The following TMEM70 variants were observed in gnomAD, a reference collection of about 807,000 sequenced individuals.
TMEM70 encodes the protein transmembrane protein 70.
TMEM70 carries 15 observed loss-of-function variants against 20.5 expected under a neutral mutation model. The observed-to-expected ratio is 0.73, with a 90% confidence interval of 0.49 to 1.13. The LOEUF (loss-of-function observed/expected upper bound fraction) is 1.13, where lower values mean the gene tolerates loss of function less well. TMEM70 is among the 50% of genes most tolerant of loss of function. TMEM70 has a pLI of 0.00. For synonymous variants in TMEM70, 141 were observed against 134.2 expected (o/e 1.05, Z -0.35); for missense variants, 344 against 331.7 (o/e 1.04, Z -0.29).
intron 2 of TMEM70, among the ~76,000 whole-genome samples, chr8:73,980,134 G>T (rs1316867385): frequency 6.6e-6 from 1 of 152,024 alleles, no homozygotes; most frequent in Non-Finnish European, 1.5e-5. Flanking sequence ...TGTTGCCCAG[G>T]CTGGAGTGCA....
intron 2 of TMEM70, among the ~76,000 whole-genome samples, chr8:73,979,923 T>C (rs956388613): frequency 6.6e-6 from 1 of 152,170 alleles, no homozygotes; most frequent in Non-Finnish European, 1.5e-5. Context: ...GGTCTTCCTA[T>C]GGTGCCTAGG....
At position 73,981,749 on chromosome 8, in the gene TMEM70, C is replaced by G. The variant is rs1467887784; in HGVS notation, c.*128C>G. 2.5e-6 allele frequency: 2 copies of G among 802,500 alleles called. No homozygotes were observed. The highest frequency in any genetic ancestry group is 4.0e-5 in the Admixed American group (2 of 49,688). The allele number at this position is 802,500 out of a possible 1,614,324, so 49.7% of individuals were successfully genotyped here. ...TGAAATTATCAAAGCTTTTAATTTC[C>G]AGAGAATGATGTTTGTTTATAATAA... On this transcript the variant is annotated 3_prime_UTR_variant, in exon 3 of 3. Transcript: ENST00000312184.
rs1323509856 is a variant in TMEM70 at position 73,982,003 on chromosome 8, A to G, written c.*382A>G. On this transcript the variant is annotated 3_prime_UTR_variant, in exon 3 of 3. Transcript: ENST00000312184. ...TTAAAAGACATTTTCTCTTTGAGGA[A>G]GACACAGTCATAGGTGGTGCGGAGC... 2.1e-6 allele frequency: 1 copy of G among 466,568 alleles called. No individual in the cohort carries two copies. Among genetic ancestry groups the G allele is most frequent in the East Asian group, 6.6e-5 (1 of 15,116 alleles). 28.9% of individuals were successfully genotyped at this position (466,568 alleles called of 1,614,324 possible). A position where few individuals can be genotyped will look rare whatever the true frequency, so the allele number is the denominator to read the frequency against.
chr8:73,979,328 C>G (rs1266862917), intron 2 of TMEM70, among the ~76,000 whole-genome samples: 1 of 152,130 alleles, frequency 6.6e-6, no homozygotes, highest in Non-Finnish European at 1.5e-5. Flanking sequence ...CACGCCCGGC[C>G]TCTATTATGT....
Position 73,981,856 on chromosome 8 carries a change from G to T in TMEM70, c.*235G>T, listed in dbSNP as rs1815812045. Reference sequence around the variant, plus strand: ...TATGTGAATAAATATGTTCATGCTAGTATAAGAGTTCTGTGTTACTGTGGT... The same window carrying T: ...TATGTGAATAAATATGTTCATGCTATTATAAGAGTTCTGTGTTACTGTGGT... On this transcript the variant is annotated 3_prime_UTR_variant, in exon 3 of 3. Transcript: ENST00000312184. 3.2e-6 allele frequency: 2 copies of T among 616,892 alleles called. No individual in the cohort carries two copies. Among genetic ancestry groups the T allele is most frequent in the Non-Finnish European group, 3.0e-6 (1 of 333,498 alleles). 38.2% of individuals were successfully genotyped at this position (616,892 alleles called of 1,614,324 possible). A position where few individuals can be genotyped will look rare whatever the true frequency, so the allele number is the denominator to read the frequency against.
At position 73,979,165 on chromosome 8, in the gene TMEM70, A is replaced by T. The variant is rs190691611; in HGVS notation, c.316+304A>T. 375 of 467,336 alleles carry T rather than the reference A, an allele frequency of 8.0e-4. 1 individual carries two copies. The highest frequency in any genetic ancestry group is 8.1e-4 in the Non-Finnish European group (197 of 242,108). The allele number at this position is 467,336 out of a possible 1,614,324, so 28.9% of individuals were successfully genotyped here. A position where few individuals can be genotyped will look rare whatever the true frequency, so the allele number is the denominator to read the frequency against. On this transcript the variant is annotated intron_variant, in intron 2 of 2. Transcript: ENST00000312184. ...TCTCCTGGCTCAGCCTCCTGCTGGG[A>T]TTACAGGTATGCACCACCACACTTG... is the stretch of plus-strand genomic sequence containing the variant.
At chr8:73,979,906 A>G (rs1815747794) in intron 2 of TMEM70, among the ~76,000 whole-genome samples, 1 of 152,088 alleles carries the variant, frequency 6.6e-6, no homozygotes, top group Non-Finnish European at 1.5e-5. Flanking sequence ...TTTTTTTTGT[A>G]GAGACAGGTC....
chr8:73,976,222 G>C lies in TMEM70; in HGVS notation c.-60G>C, dbSNP rs1384986681. On this transcript the variant is annotated 5_prime_UTR_variant, in exon 1 of 3. Transcript: ENST00000312184. ...TTGTGCGGCAGTCGGGTGGGAAGCC[G>C]TGTCTCGCAGTCGTGGACTCGTGCA... is the stretch of plus-strand genomic sequence containing the variant. The C allele has an allele frequency of 1.4e-6, 2 of 1,480,084 alleles. No homozygotes were observed. Among genetic ancestry groups the C allele is most frequent in the Non-Finnish European group, 1.8e-6 (2 of 1,084,284 alleles). The allele number at this position is 1,480,084 out of a possible 1,614,324, so 91.7% of individuals were successfully genotyped here. A position where few individuals can be genotyped will look rare whatever the true frequency, so the allele number is the denominator to read the frequency against.
rs200893322 is a variant in TMEM70 at position 73,977,189 on chromosome 8, C to CT, written c.210+707dup. 6.7e-3 allele frequency among the ~76,000 whole-genome samples: 1,015 copies of CT among 151,420 alleles called. 5 individuals are homozygous for CT. The highest frequency in any genetic ancestry group is 0.011 in the Non-Finnish European group (748 of 67,800). On this transcript the variant is annotated intron_variant, in intron 1 of 2. Coordinates refer to ENST00000312184, the MANE Select transcript of TMEM70 (RefSeq NM_017866.6). ...GTAGGATTTCAAGTAAATTTTATTT[C>CT]TTTTTTTTTGGAGGTGAAGTCTCGC...
intron 2 of TMEM70, chr8:73,979,320 C>T (rs928729783): frequency 3.4e-4 from 59 of 174,910 alleles, no homozygotes; most frequent in Admixed American, 2.2e-3. Flanking sequence ...TGAGCCACCA[C>T]GCCCGGCCTC....
chr8:73,980,463 G>C, intron 2 of TMEM70, among the ~76,000 whole-genome samples: 1 of 151,920 alleles, frequency 6.6e-6, no homozygotes. Flanking sequence ...TACCTCCTGG[G>C]TTCAAGGATT....
chr8:73,978,626 G>T (rs1182443338), intron 1 of TMEM70, 130 bp from the exon 2 acceptor site: 1 of 887,726 alleles, frequency 1.1e-6, no homozygotes, highest in Non-Finnish European at 1.7e-6. Context: ...GGAAGCAGAG[G>T]TTGCAATGGT....
rs1319295840 is a variant in TMEM70 at position 73,982,620 on chromosome 8, C to T, written c.*999C>T. ...TTTTGCCTAACCCCTGGCATGATTG[C>T]CCATAAGAACATACATGTACAGTTG... is the stretch of plus-strand genomic sequence containing the variant. On this transcript the variant is annotated 3_prime_UTR_variant, in exon 3 of 3. Coordinates refer to ENST00000312184, the MANE Select transcript of TMEM70 (RefSeq NM_017866.6). The T allele has an allele frequency of 2.1e-6, 1 of 476,652 alleles. No individual in the cohort carries two copies. The highest frequency in any genetic ancestry group is 2.3e-5 in the Admixed American group (1 of 43,474). The allele number at this position is 476,652 out of a possible 1,614,324, so 29.5% of individuals were successfully genotyped here.
chr8:73,978,709 A>G (rs1815713966), intron 1 of TMEM70, 47 bp from the exon 2 acceptor site: 1 of 1,606,324 alleles, frequency 6.2e-7, no homozygotes, highest in Middle Eastern at 1.7e-4. Context: ...AAAAACTTAA[A>G]AAAATTTAAG....
At position 73,980,497 on chromosome 8, in the gene TMEM70, G is replaced by A. The variant is rs532644217; in HGVS notation, c.317-658G>A. On this transcript the variant is annotated intron_variant, in intron 2 of 2. Coordinates refer to ENST00000312184, the MANE Select transcript of TMEM70 (RefSeq NM_017866.6). ...TTTTCCTGCCTCAGCCTCCTGAATA[G>A]CTGGGATTACAAGCACTTGCCACCA... Among the ~76,000 whole-genome samples the A allele has an allele frequency of 3.3e-5, 5 of 152,056 alleles. No homozygotes were observed. In the East Asian group the frequency reaches 7.7e-4, roughly 23 times the overall value.
In TMEM70 at chr8:73,978,838, G is replaced by A. The variant is rs141592371; in HGVS notation, c.293G>A (p.Gly98Asp). 2 of 1,614,026 alleles carry A rather than the reference G, an allele frequency of 1.2e-6. No individual in the cohort carries two copies. Among genetic ancestry groups the A allele is most frequent in the African/African-American group, 2.7e-5 (2 of 74,930 alleles). Residue 98 changes from glycine to aspartate, a missense_variant, in exon 2 of 3, where the codon GGC (glycine) becomes GAC (aspartate). By Grantham distance (94) the Gly-to-Asp change is moderately conservative (BLOSUM62 -1). Transcript: ENST00000312184. The part of the protein sequence containing the change: ...KSEDGRLIYT[G>D]NMARAVFGVK... ...GAAGATGGAAGGCTAATTTATACTG[G>A]CAATATGGCCCGAGCAGTGTTTGGT...
chr8:73,982,428 G>A lies in TMEM70; in HGVS notation c.*807G>A. The A allele has an allele frequency of 1.2e-6, 1 of 801,602 alleles. No homozygotes were observed. The highest frequency in any genetic ancestry group is 2.1e-6 in the Non-Finnish European group (1 of 475,056). The allele number at this position is 801,602 out of a possible 1,614,324, so 49.7% of individuals were successfully genotyped here. On this transcript the variant is annotated 3_prime_UTR_variant, in exon 3 of 3. Transcript: ENST00000312184. ...ATAGTTAAGCAGATTACTTCCATCA[G>A]TATTGAGCCAGGAGTTGAGATGGAA...
In TMEM70 at chr8:73,976,269, C is replaced by G; in HGVS notation, c.-13C>G. The stretch of plus-strand genomic sequence containing the variant: ...TGCAGCTGGGGCGTCCGCAGCCGCT[C>G]GTCACCCGCGTGATGCTGTTTCTGG... On this transcript the variant is annotated 5_prime_UTR_variant, in exon 1 of 3. Transcript: ENST00000312184. 6.3e-7 allele frequency: 1 copy of G among 1,597,760 alleles called. No homozygotes were observed. The highest frequency in any genetic ancestry group is 8.5e-7 in the Non-Finnish European group (1 of 1,178,594).
Position 73,978,783 on chromosome 8 carries a change from C to G in TMEM70, c.238C>G (p.Arg80Gly). 1.2e-6 allele frequency: 2 copies of G among 1,613,692 alleles called. No individual in the cohort carries two copies. Among genetic ancestry groups the G allele is most frequent in the Non-Finnish European group, 8.5e-7 (1 of 1,179,776 alleles). Residue 80 changes from arginine to glycine, a missense_variant, in exon 2 of 3, where the codon CGA (arginine) becomes GGA (glycine). Transcript: ENST00000312184. Reference sequence around the variant, plus strand: ...CCCTGTTTATTGGGAAGGATATGTTCGATTCTTAAATACGCCATCTGACAA... The same window carrying G: ...CCCTGTTTATTGGGAAGGATATGTTGGATTCTTAAATACGCCATCTGACAA... ...QIPVYWEGYV[R>G]FLNTPSDKSE...
Sources: allele counts gnomAD v4.1 joint callset (sites outside exome capture counted in the v4.1 genomes callset), GRCh38; gene constraint gnomAD v4.1.1; transcripts MANE v1.5; gene names NCBI Gene and HGNC (gene_info 2026-07-23, HGNC 2026-07-21).